The following KCNT2 variants were observed in gnomAD, a reference collection of about 807,000 sequenced individuals.
KCNT2 encodes potassium sodium-activated channel subfamily T member 2, also known as potassium channel subfamily T member 2.
In KCNT2, 67 loss-of-function variants were observed where a neutral mutation model predicts 153.8. That is an observed-to-expected ratio of 0.44 (90% confidence interval 0.36 to 0.53). The LOEUF (loss-of-function observed/expected upper bound fraction) is 0.53, where lower values mean the gene tolerates loss of function less well. KCNT2 is among the 20% of genes least tolerant of loss of function. The pLI is 0.00. For missense variants in KCNT2, 975 were observed against 1,354.8 expected (o/e 0.72, Z 4.40); for synonymous variants, 500 against 458.8 (o/e 1.09, Z -1.15).
chr1:196,378,835 T>C (rs1333422356), intron 13 of KCNT2, among the ~76,000 whole-genome samples: 1 of 147,994 alleles, frequency 6.8e-6, no homozygotes, highest in Non-Finnish European at 1.5e-5. Context: ...ATTATATATA[T>C]ATAATGTTAT....
intron 8 of KCNT2, among the ~76,000 whole-genome samples, chr1:196,440,080 T>A (rs1409129346): frequency 2.6e-5 from 4 of 152,002 alleles, no homozygotes; most frequent in Admixed American, 2.6e-4. Flanking sequence ...TCAATAAGGA[T>A]ACAAAGAAAG....
chr1:196,251,389 TTTTG>T (rs907295425), intron 26 of KCNT2, among the ~76,000 whole-genome samples: 1 of 152,080 alleles, frequency 6.6e-6, no homozygotes, highest in African/African-American at 2.4e-5. Context: ...GCAGTGTGTT[TTTTG>T]TTTGTTTGCT....
chr1:196,370,711 G>A (rs1668451468), intron 14 of KCNT2, among the ~76,000 whole-genome samples: 1 of 152,000 alleles, frequency 6.6e-6, no homozygotes, highest in Admixed American at 6.6e-5. Flanking sequence ...CCTAGATATA[G>A]ACGCAAGAAA....
chr1:196,521,745 G>A (rs1653447087), intron 1 of KCNT2, among the ~76,000 whole-genome samples: 1 of 152,020 alleles, frequency 6.6e-6, no homozygotes, highest in African/African-American at 2.4e-5. Context: ...GCTAAATGAT[G>A]AGAACACATG....
At chr1:196,539,937 A>G (rs1428672683) in intron 1 of KCNT2, among the ~76,000 whole-genome samples, 1 of 151,954 alleles carries the variant, frequency 6.6e-6, no homozygotes, top group African/African-American at 2.4e-5. Flanking sequence ...TCTGTTCAAA[A>G]AATTGGATAA....
At chr1:196,375,401 C>G (rs140510527) in intron 13 of KCNT2, among the ~76,000 whole-genome samples, 1 of 151,872 alleles carries the variant, frequency 6.6e-6, no homozygotes, top group African/African-American at 2.4e-5. Flanking sequence ...CCTTTGTACA[C>G]TGAATTATCT....
intron 19 of KCNT2, among the ~76,000 whole-genome samples, chr1:196,322,283 A>C (rs1663398272): frequency 1.3e-5 from 2 of 151,900 alleles, no homozygotes; most frequent in African/African-American, 4.8e-5. Context: ...AAAAATTGTT[A>C]CTTATACAAA....
chr1:196,442,537 G>A (rs1482480164), intron 8 of KCNT2, among the ~76,000 whole-genome samples: 2 of 151,632 alleles, frequency 1.3e-5, no homozygotes, highest in African/African-American at 4.8e-5. Context: ...TATGACTTCC[G>A]TTCATAGTGG....
At chr1:196,390,464 G>GA (rs1670376192) in intron 13 of KCNT2, among the ~76,000 whole-genome samples, 1 of 151,394 alleles carries the variant, frequency 6.6e-6, no homozygotes, top group Non-Finnish European at 1.5e-5. Flanking sequence ...TAAGTCTACA[G>GA]AAAATATATG....
At chr1:196,266,317 A>G (rs987482643) in intron 25 of KCNT2, among the ~76,000 whole-genome samples, 24 of 152,202 alleles carry the variant, frequency 1.6e-4, no homozygotes, top group Non-Finnish European at 1.5e-5. Context: ...AGTACCCTAA[A>G]TATGGGAATT....
At chr1:196,286,239 A>G (rs1411939867) in intron 22 of KCNT2, among the ~76,000 whole-genome samples, 1 of 152,098 alleles carries the variant, frequency 6.6e-6, no homozygotes, top group Non-Finnish European at 1.5e-5. Context: ...CCAAGGTAAT[A>G]GTATTAGGAA....
At chr1:196,559,022 T>C (rs1659048973) in intron 1 of KCNT2, among the ~76,000 whole-genome samples, 1 of 151,378 alleles carries the variant, frequency 6.6e-6, no homozygotes, top group Non-Finnish European at 1.5e-5. Flanking sequence ...CTAAATTTGT[T>C]TTAAAAGGTA....
intron 5 of KCNT2, among the ~76,000 whole-genome samples, chr1:196,477,432 C>A (rs116515110): frequency 0.017 from 2,607 of 151,522 alleles, 78 homozygotes; most frequent in African/African-American, 0.059. Flanking sequence ...CAAAAAAATA[C>A]AAAAAAAATT....
chr1:196,476,955 A>G (rs568488588), intron 5 of KCNT2, among the ~76,000 whole-genome samples: 4 of 152,252 alleles, frequency 2.6e-5, no homozygotes, highest in African/African-American at 9.6e-5. Flanking sequence ...TGTAAACTCA[A>G]TAGCCTTTTC....
chr1:196,530,156 G>C lies in KCNT2; in HGVS notation c.96-37815C>G, dbSNP rs146445647. ...TAACAGGAATGGCAGAATGCACAAA[G>C]AAAATATATATATGTATAAATTCAT... On this transcript the variant is annotated intron_variant, in intron 1 of 27. Transcript: ENST00000294725. Among the ~76,000 whole-genome samples, 507 of 151,762 alleles carry C rather than the reference G, an allele frequency of 3.3e-3. 1 individual carries two copies. Among genetic ancestry groups the C allele is most frequent in the Non-Finnish European group, 4.6e-3 (313 of 67,852 alleles).
intron 22 of KCNT2, among the ~76,000 whole-genome samples, chr1:196,293,880 AAC>A (rs1262346529): frequency 7.3e-5 from 10 of 137,448 alleles, no homozygotes; most frequent in African/African-American, 2.2e-4. Flanking sequence ...AAAACAAAAA[AAC>A]AAAAAACAAA....
At chr1:196,482,858 A>G (rs7547724) in intron 3 of KCNT2, among the ~76,000 whole-genome samples, 137,220 of 152,090 alleles carry the variant, frequency 0.9, 63,366 homozygotes, top group Non-Finnish European at 1. Flanking sequence ...ATACCATGGA[A>G]AACAGTATGA....
intron 1 of KCNT2, among the ~76,000 whole-genome samples, chr1:196,562,590 G>A (rs918287595): frequency 6.6e-6 from 1 of 151,936 alleles, no homozygotes; most frequent in African/African-American, 2.4e-5. Flanking sequence ...TGCTAGGTTT[G>A]AGAAATTTGA....
chr1:196,522,463 T>C (rs1357041790), intron 1 of KCNT2, among the ~76,000 whole-genome samples: 1 of 152,248 alleles, frequency 6.6e-6, no homozygotes, highest in Non-Finnish European at 1.5e-5. Flanking sequence ...CTTACATTTT[T>C]ATGCTTCAAC....
Sources: allele counts gnomAD v4.1 joint callset (sites outside exome capture counted in the v4.1 genomes callset), GRCh38; gene constraint gnomAD v4.1.1; transcripts MANE v1.5; gene names NCBI Gene and HGNC (gene_info 2026-07-23, HGNC 2026-07-21).